The following ZNF385B variants were observed in gnomAD, a reference collection of about 807,000 sequenced individuals.
The protein encoded by ZNF385B is zinc finger protein 385B, also known as zinc finger protein 533.
A neutral mutation model predicts 39.2 loss-of-function variants in ZNF385B; 23 were observed. The ratio of observed to expected loss-of-function variants is 0.59; its 90% CI spans 0.42 to 0.83. ZNF385B has a LOEUF of 0.83. Ranked by LOEUF, ZNF385B falls within the 40% of genes least tolerant of loss-of-function variation. The pLI, the probability that ZNF385B is intolerant of heterozygous loss-of-function variation, is 0.00. For synonymous variants in ZNF385B, 205 were observed against 222.6 expected, an observed-to-expected ratio of 0.92 and a Z score of 0.70; for missense variants, 552 against 598.9, an observed-to-expected ratio of 0.92 and a Z score of 0.82.
intron 1 of ZNF385B, among the ~76,000 whole-genome samples, chr2:179,803,564 C>T (rs1706165277): frequency 6.6e-6 from 1 of 152,108 alleles, no homozygotes; most frequent in Non-Finnish European, 1.5e-5. Context: ...GAGGTAGAAG[C>T]ACGATATTAT....
chr2:179,620,487 C>T (rs529099259), intron 3 of ZNF385B, among the ~76,000 whole-genome samples: 26 of 151,822 alleles, frequency 1.7e-4, no homozygotes, highest in Non-Finnish European at 2.1e-4. Flanking sequence ...ATAAACAGTG[C>T]TCTGAGAATA....
intron 3 of ZNF385B, among the ~76,000 whole-genome samples, chr2:179,760,353 C>T (rs1362446391): frequency 6.6e-6 from 1 of 151,948 alleles, no homozygotes; most frequent in Non-Finnish European, 1.5e-5. Flanking sequence ...ACCCCTATCC[C>T]TTACCAACCA....
intron 3 of ZNF385B, among the ~76,000 whole-genome samples, chr2:179,719,397 T>C (rs983865789): frequency 6.6e-6 from 1 of 152,188 alleles, no homozygotes; most frequent in Non-Finnish European, 1.5e-5. Context: ...CCTCTTTCAT[T>C]ATATATCCAT....
intron 1 of ZNF385B, among the ~76,000 whole-genome samples, chr2:179,827,541 TATA>T (rs1218283687): frequency 6.6e-6 from 1 of 152,134 alleles, no homozygotes; most frequent in Non-Finnish European, 1.5e-5. Flanking sequence ...ATTTGAAAAA[TATA>T]ATTCTCAAAT....
chr2:179,743,523 C>T (rs1211066625), intron 3 of ZNF385B, among the ~76,000 whole-genome samples: 3 of 151,960 alleles, frequency 2.0e-5, no homozygotes, highest in Non-Finnish European at 2.9e-5. Context: ...CTTGTCAAGA[C>T]CACATGAGGG....
chr2:179,614,636 G>A (rs1248554938), intron 3 of ZNF385B, among the ~76,000 whole-genome samples: 2 of 152,130 alleles, frequency 1.3e-5, no homozygotes, highest in Non-Finnish European at 2.9e-5. Flanking sequence ...TTGGTTGCTG[G>A]TATGAAAGCA....
intron 1 of ZNF385B, among the ~76,000 whole-genome samples, chr2:179,859,283 A>G (rs1684849638): frequency 6.6e-6 from 1 of 152,220 alleles, no homozygotes; most frequent in Non-Finnish European, 1.5e-5. Context: ...TCAGTTGAAG[A>G]AAAATACATT....
intron 3 of ZNF385B, among the ~76,000 whole-genome samples, chr2:179,610,180 G>A (rs187473443): frequency 6.6e-6 from 1 of 152,046 alleles, no homozygotes; most frequent in African/African-American, 2.4e-5. Context: ...TATTTTACTA[G>A]TTTCATAGGT....
rs182364832 is a variant in ZNF385B at position 179,752,877 on chromosome 2, G to C, written c.298+16626C>G. ...GATTGCAAAAATTTTCTCCCATTCT[G>C]TGGGTTGCCTATTCACTCTGATGGT... On this transcript the variant is annotated intron_variant, in intron 3 of 9. Transcript: ENST00000410066. 3.0e-3 allele frequency among the ~76,000 whole-genome samples: 462 copies of C among 152,148 alleles called. 7 individuals are homozygous for C. The highest frequency in any genetic ancestry group is 0.01 in the African/African-American group (422 of 41,442).
intron 6 of ZNF385B, among the ~76,000 whole-genome samples, chr2:179,477,629 C>T (rs1296223828): frequency 6.6e-6 from 1 of 152,144 alleles, no homozygotes; most frequent in East Asian, 1.9e-4. Context: ...CAGGGCATGC[C>T]TTCTAACATG....
chr2:179,442,961 CA>C lies in ZNF385B; in HGVS notation c.*288del. The C allele has an allele frequency of 2.0e-6, 1 of 503,766 alleles. No homozygotes were observed. 31.2% of individuals were successfully genotyped at this position (503,766 alleles called of 1,614,324 possible). On this transcript the variant is annotated 3_prime_UTR_variant, in exon 10 of 10. Coordinates refer to ENST00000410066, the MANE Select transcript of ZNF385B (RefSeq NM_152520.6). ...TCTTTCTTTTTCTTTCTGACCAATA[CA>C]TGCTCAAGAAATCAAATATCTGAGA...
intron 3 of ZNF385B, among the ~76,000 whole-genome samples, chr2:179,740,161 T>A (rs181617305): frequency 1.8e-4 from 27 of 152,296 alleles, no homozygotes; most frequent in African/African-American, 6.3e-4. Context: ...TTTAACTTGC[T>A]GGAAGGAAGG....
intron 3 of ZNF385B, among the ~76,000 whole-genome samples, chr2:179,616,677 A>G (rs1202643456): frequency 6.6e-6 from 1 of 152,118 alleles, no homozygotes; most frequent in Non-Finnish European, 1.5e-5. Flanking sequence ...TTCTCACCTC[A>G]GCCTCCTGAG....
chr2:179,493,114 A>G (rs1302002055), intron 5 of ZNF385B, among the ~76,000 whole-genome samples: 2 of 152,098 alleles, frequency 1.3e-5, no homozygotes, highest in Non-Finnish European at 2.9e-5. Flanking sequence ...TAAAAGTTCT[A>G]CTCACCAATA....
intron 3 of ZNF385B, among the ~76,000 whole-genome samples, chr2:179,693,751 T>C (rs2106348748): frequency 6.6e-6 from 1 of 152,324 alleles, no homozygotes; most frequent in Non-Finnish European, 1.5e-5. Flanking sequence ...ACTGCCTGTC[T>C]TGGTAAATTA....
intron 3 of ZNF385B, among the ~76,000 whole-genome samples, chr2:179,605,801 T>A (rs1001450096): frequency 6.6e-6 from 1 of 152,108 alleles, no homozygotes; most frequent in Non-Finnish European, 1.5e-5. Flanking sequence ...GCTTTCACTA[T>A]CAAAGATTAA....
At chr2:179,583,845 C>T in intron 3 of ZNF385B, 1 of 1,241,810 alleles carries the variant, frequency 8.1e-7, no homozygotes, top group Non-Finnish European at 1.1e-6. Flanking sequence ...AGGGCCATTT[C>T]AGGAGTGAAA....
chr2:179,704,338 CAT>C (rs1425052556), intron 3 of ZNF385B, among the ~76,000 whole-genome samples: 1 of 152,084 alleles, frequency 6.6e-6, no homozygotes, highest in African/African-American at 2.4e-5. Flanking sequence ...TCTGTAAAGA[CAT>C]ATAGAAAAAT....
intron 3 of ZNF385B, among the ~76,000 whole-genome samples, chr2:179,619,380 T>C (rs1214757575): frequency 6.6e-6 from 1 of 152,210 alleles, no homozygotes; most frequent in Non-Finnish European, 1.5e-5. Flanking sequence ...TATTACCTTC[T>C]TTACTGAGTC....
Sources: allele counts gnomAD v4.1 joint callset (sites outside exome capture counted in the v4.1 genomes callset), GRCh38; gene constraint gnomAD v4.1.1; transcripts MANE v1.5; gene names NCBI Gene and HGNC (gene_info 2026-07-23, HGNC 2026-07-21).